The following MYO5C variants were observed in gnomAD, a reference collection of about 807,000 sequenced individuals.
MYO5C encodes the protein myosin VC.
Under a neutral mutation model 235.7 loss-of-function variants are expected in MYO5C, and 194 were observed. The observed-to-expected ratio is 0.82, with a 90% CI of 0.73 to 0.93. The LOEUF (loss-of-function observed/expected upper bound fraction) is 0.93, where lower values mean the gene tolerates loss of function less well. Among genes scored for constraint, MYO5C ranks in the 40% least tolerant of loss-of-function variants. MYO5C has a pLI of 0.00. For missense variants in MYO5C, 2,038 were observed against 2,127.2 expected, an observed-to-expected ratio of 0.96 and a Z score of 0.82; for synonymous variants, 707 against 754.8, an observed-to-expected ratio of 0.94 and a Z score of 1.04.
At position 52,272,723 on chromosome 15, in the gene MYO5C, C is replaced by T; in HGVS notation, c.607G>A (p.Ala203Thr). The part of the protein sequence containing the change: ...KVLASNPITE[A>T]VGNAKTTRND... ...CGGGTGGTCTTGGCATTTCCAACGG[C>T]CTAAAAAAAATAAGACTCTATTGAA... is the stretch of plus-strand genomic sequence containing the variant. Residue 203 changes from alanine to threonine, a missense_variant and splice_region_variant, in exon 6 of 41, where the codon GCC (alanine) becomes ACC (threonine). Physicochemically the swap from Ala to Thr is moderately conservative, Grantham distance 58. Coordinates refer to ENST00000261839, the MANE Select transcript of MYO5C (RefSeq NM_018728.4). The T allele has an allele frequency of 6.2e-7, 1 of 1,608,040 alleles. No individual in the cohort carries two copies. Among genetic ancestry groups the T allele is most frequent in the Admixed American group, 1.7e-5 (1 of 58,354 alleles).
At position 52,245,299 on chromosome 15, in the gene MYO5C, T is replaced by TG. The variant is rs941207719; in HGVS notation, c.2178+54dup. The TG allele has an allele frequency of 5.3e-6, 6 of 1,142,848 alleles. No individual in the cohort carries two copies. The Admixed American group carries it at 1.0e-4, about 19-fold the overall frequency. The allele number at this position is 1,142,848 out of a possible 1,614,324, so 70.8% of individuals were successfully genotyped here. The stretch of plus-strand genomic sequence containing the variant: ...CAAGACAAAGATGAAACAGCATGTT[T>TG]GGGAGATGTGCTTCCAGGAAGGAGA... On this transcript the variant is annotated intron_variant, in intron 18 of 40. Transcript: ENST00000261839.
chr15:52,288,833 C>CT (rs2037329278), intron 1 of MYO5C, among the ~76,000 whole-genome samples: 1 of 152,176 alleles, frequency 6.6e-6, no homozygotes, highest in Non-Finnish European at 1.5e-5. Flanking sequence ...CCTGAGTGCC[C>CT]TCCCCATGCC....
chr15:52,195,962 CTTTTTTTT>C (rs71130140), intron 39 of MYO5C, among the ~76,000 whole-genome samples: 2 of 80,994 alleles, frequency 2.5e-5, no homozygotes, highest in Admixed American at 1.7e-4. Flanking sequence ...TCACACCCAG[CTTTTTTTT>C]TTTTTTTTTT....
chr15:52,242,976 A>G (rs1340497491), intron 19 of MYO5C: 4 of 152,262 alleles, frequency 2.6e-5, no homozygotes, highest in South Asian at 2.1e-4. Flanking sequence ...TTAGACGTCA[A>G]TGAGGTTAGA....
intron 32 of MYO5C, among the ~76,000 whole-genome samples, chr15:52,217,406 A>T (rs1310747312): frequency 6.6e-6 from 1 of 152,222 alleles, no homozygotes; most frequent in Non-Finnish European, 1.5e-5. Context: ...AGAGTAAAGG[A>T]TCACATGGGA....
At chr15:52,260,782 A>T in intron 10 of MYO5C, 80 bp downstream of exon 10, 1 of 1,471,288 alleles carries the variant, frequency 6.8e-7, no homozygotes, top group Non-Finnish European at 9.3e-7. Context: ...ATACAAAAGA[A>T]CCAGAACAAA....
At chr15:52,257,970 C>A (rs1351737059) in intron 10 of MYO5C, among the ~76,000 whole-genome samples, 4 of 152,288 alleles carry the variant, frequency 2.6e-5, no homozygotes, top group African/African-American at 7.2e-5. Context: ...CCATTCCACA[C>A]GCAGCCTTGG....
At chr15:52,214,738 CTATT>C (rs1194961380) in intron 32 of MYO5C, 48 bp from the exon 33 acceptor site, 3 of 1,202,724 alleles carry the variant, frequency 2.5e-6, no homozygotes, top group East Asian at 2.9e-5. Flanking sequence ...GCACTTTAAT[CTATT>C]TTTTTTTTTT....
chr15:52,231,061 C>CA (rs1353589163), intron 24 of MYO5C, among the ~76,000 whole-genome samples: 2 of 152,132 alleles, frequency 1.3e-5, no homozygotes, highest in African/African-American at 4.8e-5. Flanking sequence ...CTCCTGACCT[C>CA]AGGTGATCTG....
At chr15:52,266,814 AG>A (rs932373985) in intron 8 of MYO5C, among the ~76,000 whole-genome samples, 5 of 152,210 alleles carry the variant, frequency 3.3e-5, no homozygotes, top group African/African-American at 1.2e-4. Flanking sequence ...TGCAAGGTGA[AG>A]GAAAAGTTTG....
intron 35 of MYO5C, among the ~76,000 whole-genome samples, chr15:52,210,592 G>T (rs1485896425): frequency 6.6e-6 from 1 of 152,078 alleles, no homozygotes; most frequent in Non-Finnish European, 1.5e-5. Flanking sequence ...CACATTCAGG[G>T]TAGCACCAGG....
At chr15:52,254,389 C>A (rs1208003376) in intron 11 of MYO5C, among the ~76,000 whole-genome samples, 1 of 152,140 alleles carries the variant, frequency 6.6e-6, no homozygotes, top group Non-Finnish European at 1.5e-5. Flanking sequence ...AGGCTCAGGA[C>A]ATGGGGTCCA....
intron 17 of MYO5C, 68 bp downstream of exon 17, chr15:52,245,888 G>A: frequency 7.0e-7 from 1 of 1,419,836 alleles, no homozygotes; most frequent in Non-Finnish European, 9.9e-7. Context: ...TGGCAGCCAT[G>A]TCCTTGGTTC....
At chr15:52,249,684 T>C (rs1386500709) in intron 13 of MYO5C, among the ~76,000 whole-genome samples, 1 of 152,150 alleles carries the variant, frequency 6.6e-6, no homozygotes, top group Non-Finnish European at 1.5e-5. Context: ...TCCAGAATGG[T>C]GGTGTGAGCC....
chr15:52,200,974 G>A (rs2035173980), intron 38 of MYO5C, among the ~76,000 whole-genome samples: 1 of 152,142 alleles, frequency 6.6e-6, no homozygotes, highest in African/African-American at 2.4e-5. Context: ...AGGATTAACA[G>A]AGATTATCCA....
At position 52,293,585 on chromosome 15, in the gene MYO5C, C is replaced by T. The variant is rs536365745; in HGVS notation, c.27+2025G>A. On this transcript the variant is annotated intron_variant, in intron 1 of 40. Coordinates refer to ENST00000261839, the MANE Select transcript of MYO5C (RefSeq NM_018728.4). ...TCACTCAAGGGCACCACCCTGCTGT[C>T]TCTCATACAGACTCTAACCTCAAAT... is the stretch of plus-strand genomic sequence containing the variant. Among the ~76,000 whole-genome samples the T allele has an allele frequency of 2.0e-5, 3 of 152,284 alleles. No homozygotes were observed. In the South Asian group the frequency reaches 6.2e-4, roughly 32 times the overall value.
At chr15:52,215,755 A>G (rs1257311928) in intron 32 of MYO5C, among the ~76,000 whole-genome samples, 1 of 152,178 alleles carries the variant, frequency 6.6e-6, no homozygotes, top group Non-Finnish European at 1.5e-5. Flanking sequence ...GTAAATGTAC[A>G]TTTTATAAAA....
At chr15:52,277,185 G>A (rs746719581) in intron 4 of MYO5C, 33 of 529,804 alleles carry the variant, frequency 6.2e-5, no homozygotes, top group Non-Finnish European at 8.9e-5. Flanking sequence ...CTACAGCCCT[G>A]AGGGACACTA....
intron 7 of MYO5C, among the ~76,000 whole-genome samples, chr15:52,271,232 A>C (rs886695038): frequency 1.4e-5 from 2 of 142,078 alleles, no homozygotes; most frequent in African/African-American, 5.1e-5. Context: ...CCAATGAGCT[A>C]TTTTTTTTTT....
Sources: allele counts gnomAD v4.1 joint callset (sites outside exome capture counted in the v4.1 genomes callset), GRCh38; gene constraint gnomAD v4.1.1; transcripts MANE v1.5; gene names NCBI Gene and HGNC (gene_info 2026-07-23, HGNC 2026-07-21).